Variants in NEGR1 observed in about 807,000 individuals in gnomAD.
The protein encoded by NEGR1 is neuronal growth regulator 1.
NEGR1 carries 10 observed loss-of-function variants against 40.9 expected under a neutral mutation model. The observed-to-expected ratio is 0.24, with a 90% CI of 0.15 to 0.42. The LOEUF (loss-of-function observed/expected upper bound fraction) is 0.42. Among genes scored for constraint, NEGR1 ranks in the 10% least tolerant of loss-of-function variants. NEGR1 has a pLI of 1.00. For synonymous variants in NEGR1, 185 were observed against 166.8 expected (o/e 1.11, Z -0.84); for missense variants, 352 against 438.9 (o/e 0.80, Z 1.77).
At chr1:71,967,033 A>G (rs543439052) in intron 1 of NEGR1, among the ~76,000 whole-genome samples, 2 of 152,294 alleles carry the variant, frequency 1.3e-5, no homozygotes, top group East Asian at 3.9e-4. Flanking sequence ...ATACAGGTCA[A>G]GGAATAATTA....
chr1:71,850,224 T>C (rs1659559711), intron 2 of NEGR1, among the ~76,000 whole-genome samples: 1 of 152,124 alleles, frequency 6.6e-6, no homozygotes, highest in Non-Finnish European at 1.5e-5. Flanking sequence ...GGTTTGAGTT[T>C]GACTCACTGC....
chr1:71,578,359 G>T (rs1040013630), intron 6 of NEGR1, among the ~76,000 whole-genome samples: 6 of 152,136 alleles, frequency 3.9e-5, no homozygotes, highest in Non-Finnish European at 7.4e-5. Context: ...TCTGGGGCTG[G>T]TGACAGTATA....
At chr1:71,445,378 T>G (rs1569880344) in intron 6 of NEGR1, among the ~76,000 whole-genome samples, 1 of 151,892 alleles carries the variant, frequency 6.6e-6, no homozygotes, top group South Asian at 2.1e-4. Context: ...GACAATATAG[T>G]TAGAAAAATT....
At chr1:71,788,676 C>T (rs1489721717) in intron 2 of NEGR1, among the ~76,000 whole-genome samples, 2 of 150,422 alleles carry the variant, frequency 1.3e-5, no homozygotes, top group African/African-American at 2.5e-5. Flanking sequence ...TGAATACAAG[C>T]ATGTGTGTGT....
intron 2 of NEGR1, among the ~76,000 whole-genome samples, chr1:71,798,600 G>A (rs954413056): frequency 7.2e-5 from 11 of 152,102 alleles, no homozygotes; most frequent in African/African-American, 9.7e-5. Context: ...CTGATGGGGC[G>A]ACTAAGGCTA....
chr1:71,732,646 GT>G (rs1211042513), intron 3 of NEGR1, among the ~76,000 whole-genome samples: 5 of 151,794 alleles, frequency 3.3e-5, no homozygotes, highest in African/African-American at 4.8e-5. Flanking sequence ...AAAAAATCAA[GT>G]TTTTTTTCCT....
At chr1:72,087,859 G>T (rs1048849122) in intron 1 of NEGR1, among the ~76,000 whole-genome samples, 2 of 150,170 alleles carry the variant, frequency 1.3e-5, no homozygotes, top group African/African-American at 4.9e-5. Flanking sequence ...GCCTCCCAAA[G>T]TGCTGAGATT....
intron 3 of NEGR1, among the ~76,000 whole-genome samples, chr1:71,718,873 TAA>T (rs1349647470): frequency 2.4e-4 from 36 of 152,304 alleles, no homozygotes; most frequent in African/African-American, 7.9e-4. Context: ...TCTGTATGCT[TAA>T]GAGTGTGCCT....
intron 1 of NEGR1, among the ~76,000 whole-genome samples, chr1:71,997,894 A>C (rs1646518748): frequency 6.6e-6 from 1 of 152,014 alleles, no homozygotes. Flanking sequence ...TCCAAAATGT[A>C]CATGAGGTTT....
At chr1:71,873,118 C>CAAAAAATAAAAAA (rs1660326334) in intron 2 of NEGR1, among the ~76,000 whole-genome samples, 1 of 81,846 alleles carries the variant, frequency 1.2e-5, no homozygotes, top group Non-Finnish European at 2.4e-5. Context: ...AAAGATGTAG[C>CAAAAAATAAAAAA]AAAAAAAAAA....
chr1:71,888,207 G>A (rs1660784353), intron 2 of NEGR1, among the ~76,000 whole-genome samples: 1 of 152,104 alleles, frequency 6.6e-6, no homozygotes, highest in Admixed American at 6.5e-5. Context: ...AGAAGTCGGG[G>A]GAGGAGCCAA....
At chr1:71,849,601 A>C (rs563621131) in intron 2 of NEGR1, among the ~76,000 whole-genome samples, 1 of 152,202 alleles carries the variant, frequency 6.6e-6, no homozygotes, top group Non-Finnish European at 1.5e-5. Context: ...AAAACAATTT[A>C]TATTGGCAAA....
chr1:72,233,257 C>T (rs1409328699), intron 1 of NEGR1, among the ~76,000 whole-genome samples: 1 of 151,964 alleles, frequency 6.6e-6, no homozygotes, highest in Non-Finnish European at 1.5e-5. Flanking sequence ...CTATGGCTGC[C>T]CTTACCAGGG....
chr1:71,950,426 T>A (rs1017544993), intron 1 of NEGR1, among the ~76,000 whole-genome samples: 5 of 151,996 alleles, frequency 3.3e-5, no homozygotes, highest in African/African-American at 1.2e-4. Flanking sequence ...AAATTAAAAG[T>A]CTAAAGTGTA....
In NEGR1 at chr1:71,401,612, A is replaced by G. The variant is rs1416310242; in HGVS notation, c.*5834T>C. 1 of 152,212 alleles carries G rather than the reference A, an allele frequency of 6.6e-6. No individual in the cohort carries two copies. The highest frequency in any genetic ancestry group is 1.5e-5 in the Non-Finnish European group (1 of 68,046). The allele number at this position is 152,212 out of a possible 1,614,324, so 9.4% of individuals were successfully genotyped here. ...AACAGATGTTCATGTTAGTATTTCA[A>G]TATAAATGGCCTCAAACAACATCAC... is the stretch of plus-strand genomic sequence containing the variant. On this transcript the variant is annotated 3_prime_UTR_variant, in exon 7 of 7. Transcript: ENST00000357731.
At chr1:72,261,478 A>T in intron 1 of NEGR1, among the ~76,000 whole-genome samples, 1 of 152,112 alleles carries the variant, frequency 6.6e-6, no homozygotes, top group East Asian at 1.9e-4. Context: ...ATTTGTTAAC[A>T]CTATAGATTT....
intron 6 of NEGR1, among the ~76,000 whole-genome samples, chr1:71,528,228 T>G (rs1382524746): frequency 6.6e-6 from 1 of 151,408 alleles, no homozygotes; most frequent in Admixed American, 6.6e-5. Context: ...CTCCCATTTC[T>G]TGCTAACTAT....
intron 2 of NEGR1, among the ~76,000 whole-genome samples, chr1:71,807,201 G>T (rs575747570): frequency 6.6e-6 from 1 of 151,860 alleles, no homozygotes; most frequent in East Asian, 1.9e-4. Context: ...TGGCCATGTC[G>T]ATCTATTTTT....
At chr1:72,111,073 C>CAT (rs545780102) in intron 1 of NEGR1, among the ~76,000 whole-genome samples, 45 of 138,374 alleles carry the variant, frequency 3.3e-4, no homozygotes, top group African/African-American at 7.7e-4. Flanking sequence ...TATACATACA[C>CAT]ATATATATAT....
Sources: allele counts gnomAD v4.1 joint callset (sites outside exome capture counted in the v4.1 genomes callset), GRCh38; gene constraint gnomAD v4.1.1; transcripts MANE v1.5; gene names NCBI Gene and HGNC (gene_info 2026-07-23, HGNC 2026-07-21).